LNX1: variants seen among roughly 807,000 people sequenced by gnomAD.
LNX1 encodes the protein E3 ubiquitin-protein ligase LNX.
Under a neutral mutation model 68.4 loss-of-function variants are expected in LNX1, and 54 were observed. That is an observed-to-expected ratio of 0.79 (90% confidence interval 0.63 to 0.99). The LOEUF (loss-of-function observed/expected upper bound fraction) is 0.99, where lower values mean the gene tolerates loss of function less well. Among genes scored for constraint, LNX1 ranks in the 50% least tolerant of loss-of-function variants. LNX1 has a pLI of 0.00. For synonymous variants in LNX1, 336 were observed against 350.0 expected, an observed-to-expected ratio of 0.96 and a Z score of 0.45; for missense variants, 906 against 926.4, an observed-to-expected ratio of 0.98 and a Z score of 0.29.
chr4:53,503,627 A>G (rs776197093), intron 4 of LNX1, among the ~76,000 whole-genome samples: 13 of 152,230 alleles, frequency 8.5e-5, no homozygotes, highest in Admixed American at 2.6e-4. Context: ...GAGAAAGCAC[A>G]GGCAGAGTAG....
At chr4:53,573,265 T>C (rs1352035415) in intron 2 of LNX1, among the ~76,000 whole-genome samples, 1 of 152,170 alleles carries the variant, frequency 6.6e-6, no homozygotes, top group African/African-American at 2.4e-5. Flanking sequence ...TCGTGTTTAA[T>C]GGATATAGAG....
chr4:53,622,989 A>G (rs1296045445), intron 1 of LNX1, among the ~76,000 whole-genome samples: 1 of 152,206 alleles, frequency 6.6e-6, no homozygotes, highest in Non-Finnish European at 1.5e-5. Flanking sequence ...TTTGTCTTTT[A>G]CATTAGCCAG....
chr4:53,635,578 T>A (rs1157902746), intron 1 of LNX1, among the ~76,000 whole-genome samples: 1 of 152,182 alleles, frequency 6.6e-6, no homozygotes, highest in East Asian at 1.9e-4. Flanking sequence ...TGTTATTAGC[T>A]CTGTTTTATG....
At chr4:53,618,446 G>A (rs891729017), upstream of LNX1, among the ~76,000 whole-genome samples, 3 of 152,166 alleles carry the variant, frequency 2.0e-5, no homozygotes, top group Admixed American at 6.5e-5. Flanking sequence ...GTTTTTGCAG[G>A]TGGCTTTCTA....
At chr4:53,522,617 A>C (rs1371353485) in intron 2 of LNX1, among the ~76,000 whole-genome samples, 1 of 152,252 alleles carries the variant, frequency 6.6e-6, no homozygotes, top group Non-Finnish European at 1.5e-5. Context: ...TCCACTGTAC[A>C]TACAGGGTTG....
chr4:53,497,249 C>T (rs1347983438), intron 5 of LNX1, among the ~76,000 whole-genome samples: 1 of 152,180 alleles, frequency 6.6e-6, no homozygotes, highest in Non-Finnish European at 1.5e-5. Context: ...CAGCCAGAGC[C>T]CCCTATGTTG....
intron 2 of LNX1, among the ~76,000 whole-genome samples, chr4:53,545,503 A>G (rs1176692973): frequency 6.6e-6 from 1 of 152,194 alleles, no homozygotes; most frequent in Non-Finnish European, 1.5e-5. Flanking sequence ...CTCAGCCTCA[A>G]TAAATCAGAG....
At chr4:53,506,856 TAAAAAAAA>T (rs59260730) in intron 4 of LNX1, among the ~76,000 whole-genome samples, 1 of 54,204 alleles carries the variant, frequency 1.8e-5, no homozygotes, top group South Asian at 5.0e-4. Context: ...AAACTCTGTC[TAAAAAAAA>T]AAAAAAAAAA....
Position 53,611,652 on chromosome 4 carries a change from T to C in LNX1, c.-215+4865A>G, listed in dbSNP as rs181639712. 3.3e-5 allele frequency among the ~76,000 whole-genome samples: 5 copies of C among 152,240 alleles called. No individual in the cohort carries two copies. The South Asian group carries it at 1.0e-3, about 32-fold the overall frequency. On this transcript the variant is annotated intron_variant, in intron 2 of 3. Transcript: ENST00000504299. Reference sequence around the variant, plus strand: ...GTAATTGTGGTTTTTACCACTAAAATTGCAAAACTGCAATTACTTTTGCAC... The same window carrying C: ...GTAATTGTGGTTTTTACCACTAAAACTGCAAAACTGCAATTACTTTTGCAC...
intron 1 of LNX1, among the ~76,000 whole-genome samples, chr4:53,631,859 G>A (rs1195820472): frequency 1.3e-5 from 2 of 151,574 alleles, no homozygotes; most frequent in African/African-American, 4.9e-5. Flanking sequence ...TGGAGCCTGA[G>A]CCTTTTTTTT....
At position 53,579,871 on chromosome 4, in the gene LNX1, T is replaced by C. The variant is rs149046185; in HGVS notation, c.-86-5783A>G. On this transcript the variant is annotated intron_variant, in intron 1 of 10. Transcript: ENST00000263925. ...TATAACATTTGGCATGTGGCAACGA[T>C]AATTTTACGTGTTCTTCCCATTGAA... Among the ~76,000 whole-genome samples the C allele has an allele frequency of 2.6e-5, 4 of 152,330 alleles. No homozygotes were observed. The East Asian group carries it at 7.7e-4, about 29-fold the overall frequency.
intron 1 of LNX1, among the ~76,000 whole-genome samples, chr4:53,637,126 T>G (rs1279281139): frequency 1.3e-5 from 2 of 152,068 alleles, no homozygotes; most frequent in Non-Finnish European, 2.9e-5. Context: ...GAAACCCAAT[T>G]TGCACTGGCA....
rs529378929 is a variant in LNX1, at chr4:53,519,676, C to T, written c.381-11449G>A. On this transcript the variant is annotated intron_variant, in intron 2 of 10. Transcript: ENST00000263925. The stretch of plus-strand genomic sequence containing the variant: ...AAGGTATCTGACACACACACACATG[C>T]GCGCACATGCACACACACACACTCC... Among the ~76,000 whole-genome samples, 484 of 152,246 alleles carry T rather than the reference C, an allele frequency of 3.2e-3. 1 individual carries two copies. The highest frequency in any genetic ancestry group is 9.6e-3 in the African/African-American group (398 of 41,560).
chr4:53,651,205 G>A (rs1212471659), intron 1 of LNX1, among the ~76,000 whole-genome samples: 2 of 152,148 alleles, frequency 1.3e-5, no homozygotes, highest in Non-Finnish European at 2.9e-5. Flanking sequence ...CCTCCTGGGG[G>A]ACTTGTGTAT....
chr4:53,575,446 G>C (rs762022988), intron 1 of LNX1: 1 of 938,794 alleles, frequency 1.1e-6, no homozygotes, highest in South Asian at 4.9e-5. Context: ...TCTGAGCTAG[G>C]TCATGAGTTT....
chr4:53,524,970 A>T (rs1213233280), intron 2 of LNX1, among the ~76,000 whole-genome samples: 1 of 152,114 alleles, frequency 6.6e-6, no homozygotes, highest in African/African-American at 2.4e-5. Flanking sequence ...CCCCTTGTGG[A>T]GGGAGTCTTA....
At chr4:53,555,890 A>T (rs542833258) in intron 2 of LNX1, among the ~76,000 whole-genome samples, 11 of 152,252 alleles carry the variant, frequency 7.2e-5, no homozygotes, top group African/African-American at 2.4e-4. Flanking sequence ...AGAAGAGAAA[A>T]TTTTTAAGTG....
chr4:53,496,035 A>G lies in LNX1; in HGVS notation c.1338T>C (p.Ala446=), dbSNP rs1725029061. The G allele has an allele frequency of 6.2e-7, 1 of 1,612,928 alleles. No individual in the cohort carries two copies. Among genetic ancestry groups the G allele is most frequent in the African/African-American group, 1.3e-5 (1 of 75,032 alleles). The stretch of plus-strand genomic sequence containing the variant: ...ACCTCTGACTCACCTGAATCAGATG[A>G]GCCGCACTTTCTGGGCTGCCATATC... ...DLRYGSPESA[A]HLIQASERRV... Residue 446 remains alanine, a synonymous_variant, in exon 6 of 11, where the codon GCT becomes GCC. Coordinates refer to ENST00000263925, the MANE Select transcript of LNX1 (RefSeq NM_001126328.3).
Position 53,556,163 on chromosome 4 carries a change from AGAG to A in LNX1, c.380+17457_380+17459del, listed in dbSNP as rs375255593. Among the ~76,000 whole-genome samples, 343 of 152,298 alleles carry A rather than the reference AGAG, an allele frequency of 2.3e-3. 1 individual carries two copies. The highest frequency in any genetic ancestry group is 0.017 in the Middle Eastern group (5 of 294). ...TCCAGTGATAAGTTTCCTTATAAGA[AGAG>A]GAGAAGGCAAAGAGAATTGAAGAGG... On this transcript the variant is annotated intron_variant, in intron 2 of 10. Transcript: ENST00000263925.
Sources: allele counts gnomAD v4.1 joint callset (sites outside exome capture counted in the v4.1 genomes callset), GRCh38; gene constraint gnomAD v4.1.1; transcripts MANE v1.5; gene names NCBI Gene and HGNC (gene_info 2026-07-23, HGNC 2026-07-21).